MAFG: variants seen among roughly 807,000 people sequenced by gnomAD.
MAFG encodes transcription factor MafG.
MAFG carries 3 observed loss-of-function variants against 12.2 expected under a neutral mutation model. The observed-to-expected ratio is 0.25, with a 90% CI of 0.11 to 0.64. The LOEUF is 0.64. MAFG is among the 30% of genes least tolerant of loss of function. MAFG has a pLI of 0.85. For missense variants in MAFG, 153 were observed against 235.5 expected (o/e 0.65, Z 2.29); for synonymous variants, 126 against 109.1 (o/e 1.15, Z -0.96).
rs1041746336 is a variant in MAFG, at chr17:81,920,133, G to A, written c.*2472C>T. ...TGACGTTTTCTTCATGGATACTTATGATATGATTCCAACTAACGCCTGGAT... is the reference window on the plus strand; with the variant it reads ...TGACGTTTTCTTCATGGATACTTATAATATGATTCCAACTAACGCCTGGAT... On this transcript the variant is annotated 3_prime_UTR_variant, in exon 3 of 3. Coordinates refer to ENST00000357736, the MANE Select transcript of MAFG (RefSeq NM_002359.4). The A allele has an allele frequency of 6.6e-6, 1 of 152,194 alleles. No individual in the cohort carries two copies. Among genetic ancestry groups the A allele is most frequent in the African/African-American group, 2.4e-5 (1 of 41,426 alleles). 9.4% of individuals were successfully genotyped at this position (152,194 alleles called of 1,614,324 possible).
Position 81,920,396 on chromosome 17 carries a change from C to T in MAFG, c.*2209G>A, listed in dbSNP as rs1369897878. 6.6e-6 allele frequency: 1 copy of T among 152,246 alleles called. No homozygotes were observed. Among genetic ancestry groups the T allele is most frequent in the Non-Finnish European group, 1.5e-5 (1 of 68,048 alleles). 9.4% of individuals were successfully genotyped at this position (152,246 alleles called of 1,614,324 possible). Reference sequence around the variant, plus strand: ...AAATCCCACCATCCATAGGGTTAAGCCCTGTTGGGCCACAGTTTTTCATCT... The same window carrying T: ...AAATCCCACCATCCATAGGGTTAAGTCCTGTTGGGCCACAGTTTTTCATCT... On this transcript the variant is annotated 3_prime_UTR_variant, in exon 3 of 3. Coordinates refer to ENST00000357736, the MANE Select transcript of MAFG (RefSeq NM_002359.4).
rs1245228244 is a variant in MAFG, at chr17:81,924,756, C to T, written c.-29-1542G>A. Among the ~76,000 whole-genome samples the T allele has an allele frequency of 2.0e-5, 3 of 152,192 alleles. No homozygotes were observed. The highest frequency in any genetic ancestry group is 4.4e-5 in the Non-Finnish European group (3 of 68,020). On this transcript the variant is annotated intron_variant, in intron 1 of 2. Transcript: ENST00000357736. This position sits in a 1 kb window ranked among gnomAD's most constrained non-coding sequence, Gnocchi z 4.7. ...CCCACAGGAGCCCTTTCCTACACGT[C>T]CGGCACAACACTGCCCCAGGAGACA... is the stretch of plus-strand genomic sequence containing the variant.
chr17:81,921,388 A>T lies in MAFG; in HGVS notation c.*1217T>A, dbSNP rs1388286984. ...CACAAGAAGTGACACCCACAGGTCA[A>T]AGGTCACCAGAAGCACCAGCACTTT... On this transcript the variant is annotated 3_prime_UTR_variant, in exon 3 of 3. Transcript: ENST00000357736. 6.6e-6 allele frequency: 1 copy of T among 152,394 alleles called. No individual in the cohort carries two copies. Among genetic ancestry groups the T allele is most frequent in the African/African-American group, 2.4e-5 (1 of 41,466 alleles). The allele number at this position is 152,394 out of a possible 1,614,324, so 9.4% of individuals were successfully genotyped here. A position where few individuals can be genotyped will look rare whatever the true frequency, so the allele number is the denominator to read the frequency against.
rs1410786974 is a variant in MAFG at position 81,923,229 on chromosome 17, G to A, written c.-29-15C>T. On this transcript the variant is annotated splice_polypyrimidine_tract_variant and intron_variant, in intron 1 of 2. Transcript: ENST00000357736. ...GCAGGCGCTCTCTGCAAGACACGGA[G>A]CAGGTCAGTACCCTGGAGACCACCC... 1.4e-6 allele frequency: 2 copies of A among 1,463,088 alleles called. No homozygotes were observed. Among genetic ancestry groups the A allele is most frequent in the Middle Eastern group, 2.5e-4 (1 of 4,064 alleles). 90.6% of individuals were successfully genotyped at this position (1,463,088 alleles called of 1,614,324 possible). A position where few individuals can be genotyped will look rare whatever the true frequency, so the allele number is the denominator to read the frequency against.
chr17:81,923,877 A>C (rs944397707), intron 1 of MAFG, among the ~76,000 whole-genome samples: 3 of 152,174 alleles, frequency 2.0e-5, no homozygotes, highest in African/African-American at 7.2e-5. Context: ...GGGAACCCCG[A>C]GTCTCCCAGC....
rs1012520655 is a variant in MAFG, at chr17:81,923,252, C to A, written c.-29-38G>T. The A allele has an allele frequency of 6.0e-6, 7 of 1,173,446 alleles. No individual in the cohort carries two copies. The East Asian group carries it at 1.8e-4, about 31-fold the overall frequency. The allele number at this position is 1,173,446 out of a possible 1,614,324, so 72.7% of individuals were successfully genotyped here. On this transcript the variant is annotated intron_variant, in intron 1 of 2. Coordinates refer to ENST00000357736, the MANE Select transcript of MAFG (RefSeq NM_002359.4). ...GAGCAGGTCAGTACCCTGGAGACCA[C>A]CCTCGCCGCACCCCCCCCCCCCCGC...
rs1445436054 is a variant in MAFG, at chr17:81,922,417, G to A, written c.*188C>T. ...ACCAATCCCAACATACAAAACACAC[G>A]ACGACAATGACGAGATCAAAGGGGC... is the stretch of plus-strand genomic sequence containing the variant. On this transcript the variant is annotated 3_prime_UTR_variant, in exon 3 of 3. Transcript: ENST00000357736. 1.9e-5 allele frequency: 9 copies of A among 472,852 alleles called. No homozygotes were observed. Among genetic ancestry groups the A allele is most frequent in the Non-Finnish European group, 3.3e-5 (9 of 274,492 alleles). 29.3% of individuals were successfully genotyped at this position (472,852 alleles called of 1,614,324 possible).
chr17:81,925,547 A>C (rs913816529), intron 1 of MAFG, among the ~76,000 whole-genome samples: 1 of 152,178 alleles, frequency 6.6e-6, no homozygotes, highest in Admixed American at 6.5e-5. Flanking sequence ...GGTGGCTCAC[A>C]CCTGTAATCC....
At chr17:81,923,838 C>T (rs780577431) in intron 1 of MAFG, among the ~76,000 whole-genome samples, 22 of 152,208 alleles carry the variant, frequency 1.4e-4, no homozygotes, top group Non-Finnish European at 3.1e-4. Flanking sequence ...AGGGGCCCCA[C>T]GGGGGACCTG....
At chr17:81,928,748 G>C (rs1440855349), upstream of MAFG, among the ~76,000 whole-genome samples, 2 of 152,160 alleles carry the variant, frequency 1.3e-5, no homozygotes, top group East Asian at 1.9e-4. The surrounding 1 kb of genome is among the most constrained non-coding windows in gnomAD (Gnocchi z 8.1). Flanking sequence ...CGTGGCTTCC[G>C]AGGCCTCAAC....
At position 81,924,947 on chromosome 17, in the gene MAFG, C is replaced by T. The variant is rs562504819; in HGVS notation, c.-29-1733G>A. On this transcript the variant is annotated intron_variant, in intron 1 of 2. Coordinates refer to ENST00000357736, the MANE Select transcript of MAFG (RefSeq NM_002359.4). The surrounding 1 kb of genome is among the most constrained non-coding windows in gnomAD (Gnocchi z 4.7). ...GAGATCACACGGAAAAGTGCCTCCTCGACAGATTTTGCCCTCCGCAGAAGG... is the reference window on the plus strand; with the variant it reads ...GAGATCACACGGAAAAGTGCCTCCTTGACAGATTTTGCCCTCCGCAGAAGG... Among the ~76,000 whole-genome samples, 1 of 152,352 alleles carries T rather than the reference C, an allele frequency of 6.6e-6. No homozygotes were observed. Among genetic ancestry groups the T allele is most frequent in the Admixed American group, 6.5e-5 (1 of 15,304 alleles).
intron 1 of MAFG, among the ~76,000 whole-genome samples, chr17:81,925,224 C>T (rs1250144328): frequency 6.6e-6 from 1 of 152,216 alleles, no homozygotes; most frequent in Non-Finnish European, 1.5e-5. Flanking sequence ...CTAATAAGCC[C>T]ACCTCACGCA....
intron 1 of MAFG, among the ~76,000 whole-genome samples, chr17:81,925,763 G>C (rs1000195754): frequency 2.7e-5 from 4 of 148,326 alleles, no homozygotes; most frequent in African/African-American, 1.0e-4. Context: ...AGCTGAGATC[G>C]CGCCACTGCA....
chr17:81,927,391 AACCAGCGG>A (rs2040950432), intron 1 of MAFG, 129 bp downstream of exon 1: 1 of 149,456 alleles, frequency 6.7e-6, no homozygotes, highest in South Asian at 1.8e-4. Context: ...GCAGACCCGA[AACCAGCGG>A]CCCCCGCCGC....
rs575867853 is a variant in MAFG, at chr17:81,922,385, C to G, written c.*220G>C. 2.2e-5 allele frequency: 9 copies of G among 410,994 alleles called. No homozygotes were observed. The highest frequency in any genetic ancestry group is 1.0e-4 in the African/African-American group (5 of 47,812). 25.5% of individuals were successfully genotyped at this position (410,994 alleles called of 1,614,324 possible). A position where few individuals can be genotyped will look rare whatever the true frequency, so the allele number is the denominator to read the frequency against. ...GGTTGGGGCGACCCCACGTCACCGCCGAACTGACCAATCCCAACATACAAA... is the reference window on the plus strand; with the variant it reads ...GGTTGGGGCGACCCCACGTCACCGCGGAACTGACCAATCCCAACATACAAA... On this transcript the variant is annotated 3_prime_UTR_variant, in exon 3 of 3. Coordinates refer to ENST00000357736, the MANE Select transcript of MAFG (RefSeq NM_002359.4).
At position 81,926,341 on chromosome 17, in the gene MAFG, C is replaced by G. The variant is rs150408890; in HGVS notation, c.-30+1187G>C. On this transcript the variant is annotated intron_variant, in intron 1 of 2. Coordinates refer to ENST00000357736, the MANE Select transcript of MAFG (RefSeq NM_002359.4). The surrounding 1 kb of genome is among the most constrained non-coding windows in gnomAD (Gnocchi z 4.6). ...TCCACACCAGCCCATCTGCTGCACC[C>G]CAAGGCTAGGCACCCTGAAGCTCCC... 0.015 allele frequency among the ~76,000 whole-genome samples: 2,275 copies of G among 152,262 alleles called. 63 individuals are homozygous for G. Among genetic ancestry groups the G allele is most frequent in the African/African-American group, 0.052 (2,156 of 41,516 alleles).
At position 81,920,186 on chromosome 17, in the gene MAFG, GA is replaced by G. The variant is rs1285753288; in HGVS notation, c.*2418del. The G allele has an allele frequency of 4.6e-5, 7 of 152,334 alleles. No homozygotes were observed. The highest frequency in any genetic ancestry group is 1.2e-4 in the African/African-American group (5 of 41,560). 9.4% of individuals were successfully genotyped at this position (152,334 alleles called of 1,614,324 possible). A position where few individuals can be genotyped will look rare whatever the true frequency, so the allele number is the denominator to read the frequency against. ...TACTTAGACAAGATCAGACTGAGGGGAGGGGGATGAAGTCACTAAATGACAA... is the reference window on the plus strand; with the variant it reads ...TACTTAGACAAGATCAGACTGAGGGGGGGGGATGAAGTCACTAAATGACAA... On this transcript the variant is annotated 3_prime_UTR_variant, in exon 3 of 3. Transcript: ENST00000357736.
chr17:81,924,818 G>GCACCC lies in MAFG; in HGVS notation c.-29-1605_-29-1604insGGGTG, dbSNP rs2040926319. On this transcript the variant is annotated intron_variant, in intron 1 of 2. Transcript: ENST00000357736. This position sits in a 1 kb window ranked among gnomAD's most constrained non-coding sequence, Gnocchi z 4.7. ...AAGCATGGAGGGGCCCCCCAGCCTT[G>GCACCC]AGTGCAAGTCAGGGTGCAGAGACAC... Among the ~76,000 whole-genome samples the GCACCC allele has an allele frequency of 6.6e-6, 1 of 152,204 alleles. No individual in the cohort carries two copies. The highest frequency in any genetic ancestry group is 2.1e-4 in the South Asian group (1 of 4,834).
At position 81,921,270 on chromosome 17, in the gene MAFG, C is replaced by A. The variant is rs1015299156; in HGVS notation, c.*1335G>T. On this transcript the variant is annotated 3_prime_UTR_variant, in exon 3 of 3. Transcript: ENST00000357736. The stretch of plus-strand genomic sequence containing the variant: ...GGCACAGATTCCTTGAGCTCTGACG[C>A]AGCAGGCGCCACTTGGCACCCCAGC... The A allele has an allele frequency of 6.6e-6, 1 of 152,296 alleles. No individual in the cohort carries two copies. Among genetic ancestry groups the A allele is most frequent in the African/African-American group, 2.4e-5 (1 of 41,448 alleles). 9.4% of individuals were successfully genotyped at this position (152,296 alleles called of 1,614,324 possible).
Sources: allele counts gnomAD v4.1 joint callset (sites outside exome capture counted in the v4.1 genomes callset), GRCh38; gene constraint gnomAD v4.1.1; non-coding constraint Gnocchi (gnomAD v3.1); transcripts MANE v1.5; gene names NCBI Gene and HGNC (gene_info 2026-07-23, HGNC 2026-07-21).